GALNT13: variants seen among roughly 807,000 people sequenced by gnomAD.
GALNT13 encodes polypeptide N-acetylgalactosaminyltransferase 13.
A neutral mutation model predicts 64.2 loss-of-function variants in GALNT13; 28 were observed. That is an observed-to-expected ratio of 0.44 (90% confidence interval 0.32 to 0.60). GALNT13 has a LOEUF of 0.60. GALNT13 is among the 20% of genes least tolerant of loss of function. The pLI is 0.05. For missense variants in GALNT13, 577 were observed against 669.8 expected, an observed-to-expected ratio of 0.86 and a Z score of 1.53; for synonymous variants, 214 against 224.6, an observed-to-expected ratio of 0.95 and a Z score of 0.42.
At chr2:154,076,804 T>C (rs1371714878) in intron 3 of GALNT13, among the ~76,000 whole-genome samples, 1 of 151,660 alleles carries the variant, frequency 6.6e-6, no homozygotes, top group Non-Finnish European at 1.5e-5. Flanking sequence ...GGCAAGCTTG[T>C]TTAAGAAGTA....
chr2:153,534,899 G>A, the GALNT13 span, among the ~76,000 whole-genome samples: 3 of 152,116 alleles, frequency 2.0e-5, no homozygotes, highest in East Asian at 1.9e-4. Context: ...GGGTGTATAC[G>A]TGCAAGTCAC....
chr2:153,857,657 C>T, the GALNT13 span, among the ~76,000 whole-genome samples: 1 of 152,160 alleles, frequency 6.6e-6, no homozygotes, highest in South Asian at 2.1e-4. Context: ...TCTGCACTTC[C>T]ACATATATAT....
At chr2:153,159,113 C>A in the GALNT13 span, 1 of 158,098 alleles carries the variant, frequency 6.3e-6, no homozygotes, top group Non-Finnish European at 1.4e-5. Context: ...TTGGGCTGAT[C>A]CCTGAGGAAT....
chr2:154,326,685 C>A (rs1694892102), intron 9 of GALNT13, among the ~76,000 whole-genome samples: 1 of 152,008 alleles, frequency 6.6e-6, no homozygotes, highest in African/African-American at 2.4e-5. Flanking sequence ...AATCTATATC[C>A]CTTTTTATAC....
intron 4 of GALNT13, among the ~76,000 whole-genome samples, chr2:154,196,471 T>C (rs1345781575): frequency 2.0e-5 from 3 of 152,204 alleles, no homozygotes; most frequent in African/African-American, 7.2e-5. Context: ...CTACTGGTGT[T>C]GGTCATACCA....
intron 11 of GALNT13, among the ~76,000 whole-genome samples, chr2:154,414,314 G>A (rs564225400): frequency 6.6e-6 from 1 of 152,002 alleles, no homozygotes; most frequent in South Asian, 2.1e-4. Flanking sequence ...GATCTTTGAA[G>A]TAGATAGTGT....
intron 3 of GALNT13, among the ~76,000 whole-genome samples, chr2:154,081,469 G>A (rs1701267769): frequency 6.6e-6 from 1 of 151,554 alleles, no homozygotes; most frequent in South Asian, 2.1e-4. Flanking sequence ...CAATGTGACA[G>A]TATGAAGAAT....
intron 9 of GALNT13, among the ~76,000 whole-genome samples, chr2:154,334,090 C>G (rs1421935097): frequency 6.6e-6 from 1 of 150,790 alleles, no homozygotes; most frequent in Non-Finnish European, 1.5e-5. Context: ...TTTCTCTTCT[C>G]TTTTATATGA....
chr2:153,907,249 T>C (rs1243929889), intron 2 of GALNT13, among the ~76,000 whole-genome samples: 1 of 151,898 alleles, frequency 6.6e-6, no homozygotes. Context: ...GTTTTTTGTT[T>C]AGAGGTCTTA....
At chr2:153,504,434 G>T in the GALNT13 span, among the ~76,000 whole-genome samples, 3 of 152,154 alleles carry the variant, frequency 2.0e-5, no homozygotes, top group African/African-American at 7.2e-5. Flanking sequence ...AATAGAAGCG[G>T]TGAAAGTGGG....
At chr2:154,399,766 C>CA (rs775557425) in intron 10 of GALNT13, among the ~76,000 whole-genome samples, 2 of 151,988 alleles carry the variant, frequency 1.3e-5, no homozygotes, top group Non-Finnish European at 2.9e-5. Context: ...AATACAAAGT[C>CA]AAATAAGGAA....
the GALNT13 span, among the ~76,000 whole-genome samples, chr2:153,208,404 G>A: frequency 1.7e-4 from 26 of 152,042 alleles, 1 homozygote; most frequent in Admixed American, 1.7e-3. Flanking sequence ...GAAACTTAGA[G>A]TATTTTTGTT....
At chr2:154,307,608 ATT>A (rs34371448) in intron 9 of GALNT13, among the ~76,000 whole-genome samples, 5 of 150,318 alleles carry the variant, frequency 3.3e-5, no homozygotes, top group Admixed American at 6.6e-5. Flanking sequence ...TCAAGAATAG[ATT>A]TTTTTTTTTC....
chr2:153,404,418 G>A, the GALNT13 span, among the ~76,000 whole-genome samples: 1 of 152,130 alleles, frequency 6.6e-6, no homozygotes, highest in African/African-American at 2.4e-5. Context: ...TTTATTATGT[G>A]ACAAGTGGTT....
chr2:153,486,208 T>A, the GALNT13 span, among the ~76,000 whole-genome samples: 1 of 152,204 alleles, frequency 6.6e-6, no homozygotes, highest in Non-Finnish European at 1.5e-5. Context: ...AGTGCTGGAT[T>A]ACAGGTGTGA....
At chr2:153,297,017 A>G in the GALNT13 span, among the ~76,000 whole-genome samples, 29 of 152,336 alleles carry the variant, frequency 1.9e-4, no homozygotes, top group South Asian at 4.3e-3. Context: ...GGAAGAGAGT[A>G]TATTCCATCT....
chr2:154,301,596 A>G lies in GALNT13; in HGVS notation c.1156+7A>G. 1 of 1,585,026 alleles carries G rather than the reference A, an allele frequency of 6.3e-7. No homozygotes were observed. The highest frequency in any genetic ancestry group is 1.1e-5 in the South Asian group (1 of 89,156). On this transcript the variant is annotated splice_region_variant and intron_variant, in intron 9 of 12. Transcript: ENST00000392825. ...TTCTACATCATATCCCCAGGTACAC[A>G]ATTCTGACATTTTTCTTTCTCTACA...
Position 153,991,654 on chromosome 2 carries a change from A to G in GALNT13, c.142+47015A>G, listed in dbSNP as rs150709075. On this transcript the variant is annotated intron_variant, in intron 3 of 12. Coordinates refer to ENST00000392825, the MANE Select transcript of GALNT13 (RefSeq NM_052917.4). ...TTATTAACTAGTGGTAAATATAGAC[A>G]TCCAAGCAAATAATTACACTGTATT... Among the ~76,000 whole-genome samples, 470 of 152,330 alleles carry G rather than the reference A, an allele frequency of 3.1e-3. 3 individuals carry two copies. Among genetic ancestry groups the G allele is most frequent in the Non-Finnish European group, 5.0e-3 (343 of 68,028 alleles).
intron 3 of GALNT13, among the ~76,000 whole-genome samples, chr2:153,989,446 CGTTGATA>C (rs1210967994): frequency 6.6e-6 from 1 of 151,874 alleles, no homozygotes; most frequent in Non-Finnish European, 1.5e-5. Flanking sequence ...GGTCTAAATA[CGTTGATA>C]AAAGCCAACC....
Sources: allele counts gnomAD v4.1 joint callset (sites outside exome capture counted in the v4.1 genomes callset), GRCh38; gene constraint gnomAD v4.1.1; transcripts MANE v1.5; gene names NCBI Gene and HGNC (gene_info 2026-07-23, HGNC 2026-07-21).